Variants in USP13 observed in about 807,000 individuals in gnomAD.
USP13 encodes the protein ubiquitin specific peptidase 13, also known as ubiquitin carboxyl-terminal hydrolase 13.
USP13 carries 68 observed loss-of-function variants against 107.8 expected under a neutral mutation model. That is an observed-to-expected ratio of 0.63 (90% confidence interval 0.52 to 0.77). The LOEUF (loss-of-function observed/expected upper bound fraction) is 0.77. Ranked by LOEUF, USP13 falls within the 30% of genes least tolerant of loss-of-function variation. The pLI is 0.00. For missense variants in USP13, 945 were observed against 1,093.3 expected, an observed-to-expected ratio of 0.86 and a Z score of 1.91; for synonymous variants, 377 against 389.5, an observed-to-expected ratio of 0.97 and a Z score of 0.38.
chr3:179,784,171 G>GC lies in USP13; in HGVS notation c.*32dup. The GC allele has an allele frequency of 6.6e-7, 1 of 1,522,644 alleles. No individual in the cohort carries two copies. The highest frequency in any genetic ancestry group is 8.9e-7 in the Non-Finnish European group (1 of 1,124,978). The allele number at this position is 1,522,644 out of a possible 1,614,324, so 94.3% of individuals were successfully genotyped here. A position where few individuals can be genotyped will look rare whatever the true frequency, so the allele number is the denominator to read the frequency against. ...CAAATATAAAAATTGGCGAAAAGAA[G>GC]CCATACGCCTTTTTAATTTGCCAAA... On this transcript the variant is annotated 3_prime_UTR_variant, in exon 21 of 21. Coordinates refer to ENST00000263966, the MANE Select transcript of USP13 (RefSeq NM_003940.3).
intron 16 of USP13, 45 bp from the exon 17 acceptor site, chr3:179,761,067 G>A (rs376322048): frequency 3.7e-6 from 6 of 1,611,126 alleles, no homozygotes; most frequent in African/African-American, 2.7e-5. Context: ...GACAAGAAGC[G>A]ACAGTTTCCT....
At chr3:179,664,813 C>T (rs917451514) in intron 1 of USP13, among the ~76,000 whole-genome samples, 3 of 152,042 alleles carry the variant, frequency 2.0e-5, no homozygotes, top group Admixed American at 6.6e-5. Flanking sequence ...AAAGATGGTG[C>T]GTGGTGGCTC....
intron 2 of USP13, among the ~76,000 whole-genome samples, chr3:179,683,943 A>G (rs1395497840): frequency 3.3e-5 from 5 of 152,062 alleles, no homozygotes; most frequent in African/African-American, 1.2e-4. Context: ...CCAGTAATTT[A>G]TAGTATCACC....
At chr3:179,759,559 T>C (rs192924305) in intron 16 of USP13, among the ~76,000 whole-genome samples, 2 of 152,356 alleles carry the variant, frequency 1.3e-5, no homozygotes, top group Admixed American at 1.3e-4. Flanking sequence ...TCTCTTAGAA[T>C]ACTAGGATCC....
At chr3:179,720,283 A>C (rs967865909) in intron 7 of USP13, among the ~76,000 whole-genome samples, 1 of 152,142 alleles carries the variant, frequency 6.6e-6, no homozygotes, top group Non-Finnish European at 1.5e-5. Flanking sequence ...GTTTAGTTGG[A>C]GTTTACTTGC....
At chr3:179,740,030 AAG>A (rs1212200307) in intron 10 of USP13, among the ~76,000 whole-genome samples, 2 of 152,116 alleles carry the variant, frequency 1.3e-5, no homozygotes, top group Non-Finnish European at 2.9e-5. Flanking sequence ...AGTAAACAGG[AAG>A]AGTCTCATCC....
intron 3 of USP13, among the ~76,000 whole-genome samples, chr3:179,690,983 C>T (rs2108464313): frequency 6.6e-6 from 1 of 151,880 alleles, no homozygotes; most frequent in South Asian, 2.1e-4. Context: ...GCCTGGGTAA[C>T]ATAAAAAGGC....
intron 10 of USP13, among the ~76,000 whole-genome samples, chr3:179,732,848 T>C (rs1332755986): frequency 6.6e-6 from 1 of 152,226 alleles, no homozygotes; most frequent in African/African-American, 2.4e-5. Flanking sequence ...ATTCGGTGGC[T>C]GTAGTGTAGT....
intron 3 of USP13, among the ~76,000 whole-genome samples, chr3:179,694,819 A>G (rs965974092): frequency 4.3e-4 from 65 of 151,490 alleles, no homozygotes; most frequent in Non-Finnish European, 8.1e-4. Flanking sequence ...AAAAAAAAAA[A>G]AAAAGAAACA....
chr3:179,707,359 A>G (rs2284887), intron 5 of USP13, among the ~76,000 whole-genome samples: 106,472 of 151,790 alleles, frequency 0.7, 37,762 homozygotes, highest in Admixed American at 0.76. Flanking sequence ...CAGTTATGCC[A>G]GTGCACGGGA....
At chr3:179,737,120 G>GTGTT (rs10653531) in intron 10 of USP13, among the ~76,000 whole-genome samples, 4,680 of 152,282 alleles carry the variant, frequency 0.031, 242 homozygotes, top group African/African-American at 0.11. Context: ...GACTCTTGAT[G>GTGTT]TGTTGTCTTC....
intron 20 of USP13, 79 bp downstream of exon 20, chr3:179,781,902 T>G: frequency 8.0e-7 from 1 of 1,246,464 alleles, no homozygotes; most frequent in Non-Finnish European, 1.2e-6. Flanking sequence ...CCTAGGTACA[T>G]TGTATGTTAT....
At chr3:179,760,419 GA>G (rs1173197852) in intron 16 of USP13, among the ~76,000 whole-genome samples, 1 of 151,836 alleles carries the variant, frequency 6.6e-6, no homozygotes, top group African/African-American at 2.4e-5. Context: ...GAGTAGCTGG[GA>G]TTACAGGTGC....
intron 8 of USP13, among the ~76,000 whole-genome samples, chr3:179,726,027 T>C (rs1345018974): frequency 1.3e-5 from 2 of 152,004 alleles, no homozygotes; most frequent in Admixed American, 1.3e-4. Context: ...CCAAACCATA[T>C]CACAAGTAAA....
At chr3:179,693,600 A>G (rs1462526186) in intron 3 of USP13, among the ~76,000 whole-genome samples, 1 of 152,188 alleles carries the variant, frequency 6.6e-6, no homozygotes, top group East Asian at 1.9e-4. Flanking sequence ...AATTAATTTC[A>G]GTGATGGGCT....
At chr3:179,762,210 A>G (rs1247192767) in intron 17 of USP13, among the ~76,000 whole-genome samples, 1 of 152,246 alleles carries the variant, frequency 6.6e-6, no homozygotes, top group African/African-American at 2.4e-5. Flanking sequence ...TTTGGTTTCT[A>G]TCACTTAGCA....
At chr3:179,682,214 G>C (rs1319271702) in intron 2 of USP13, among the ~76,000 whole-genome samples, 1 of 147,756 alleles carries the variant, frequency 6.8e-6, no homozygotes, top group African/African-American at 2.5e-5. Flanking sequence ...ACTTCTGATT[G>C]GTGTTTTTAA....
At chr3:179,709,781 T>A (rs1027312932) in intron 6 of USP13, among the ~76,000 whole-genome samples, 1 of 152,208 alleles carries the variant, frequency 6.6e-6, no homozygotes, top group Non-Finnish European at 1.5e-5. Context: ...TTTCCCAGGC[T>A]TTATTTAGTC....
At chr3:179,706,380 T>G (rs1712719411) in intron 4 of USP13, among the ~76,000 whole-genome samples, 1 of 152,200 alleles carries the variant, frequency 6.6e-6, no homozygotes, top group South Asian at 2.1e-4. Context: ...ATCACAGATT[T>G]GCTCATGATG....
Sources: allele counts gnomAD v4.1 joint callset (sites outside exome capture counted in the v4.1 genomes callset), GRCh38; gene constraint gnomAD v4.1.1; transcripts MANE v1.5; gene names NCBI Gene and HGNC (gene_info 2026-07-23, HGNC 2026-07-21).